THSD7A: variants seen among roughly 807,000 people sequenced by gnomAD.
THSD7A encodes the protein thrombospondin type 1 domain containing 7A, also known as thrombospondin type-1 domain-containing protein 7A.
Under a neutral mutation model 231.3 loss-of-function variants are expected in THSD7A, and 96 were observed. The observed-to-expected ratio is 0.41, with a 90% CI of 0.35 to 0.49. The LOEUF (loss-of-function observed/expected upper bound fraction) is 0.49. Ranked by LOEUF, THSD7A falls within the 20% of genes least tolerant of loss-of-function variation. The pLI, the probability that THSD7A is intolerant of heterozygous loss-of-function variation, is 0.05. For synonymous variants in THSD7A, 940 were observed against 743.3 expected (o/e 1.26, Z -4.30); for missense variants, 2,290 against 2,070.2 (o/e 1.11, Z -2.06).
chr7:11,691,881 A>G (rs1165706094), intron 1 of THSD7A, among the ~76,000 whole-genome samples: 1 of 151,550 alleles, frequency 6.6e-6, no homozygotes, highest in Non-Finnish European at 1.5e-5. Context: ...TATAGGAAAT[A>G]CCATTCTCAG....
rs78654053 is a variant in THSD7A at position 11,727,218 on chromosome 7, C to T, written c.191-90257G>A. ...AAATGTTGGGCCTTTGAGATTCTTG[C>T]CAGTATCACCAGGTATTCAATTTTG... On this transcript the variant is annotated intron_variant, in intron 1 of 27. Coordinates refer to ENST00000423059, the MANE Select transcript of THSD7A (RefSeq NM_015204.3). 3.6e-3 allele frequency among the ~76,000 whole-genome samples: 546 copies of T among 152,038 alleles called. 4 individuals are homozygous for T. Among genetic ancestry groups the T allele is most frequent in the African/African-American group, 0.012 (514 of 41,508 alleles).
intron 4 of THSD7A, among the ~76,000 whole-genome samples, chr7:11,547,219 A>G (rs1789437623): frequency 6.6e-6 from 1 of 152,228 alleles, no homozygotes; most frequent in Admixed American, 6.5e-5. Flanking sequence ...TACACAGATT[A>G]TTGACACTAT....
At chr7:11,734,137 C>T (rs1484086277) in intron 1 of THSD7A, among the ~76,000 whole-genome samples, 1 of 151,896 alleles carries the variant, frequency 6.6e-6, no homozygotes, top group Non-Finnish European at 1.5e-5. Flanking sequence ...GGAAATTCAA[C>T]TATAAAATGT....
At chr7:11,512,942 G>GAGATATATATATATATATATATATATAT (rs1554327829) in intron 6 of THSD7A, among the ~76,000 whole-genome samples, 1 of 101,974 alleles carries the variant, frequency 9.8e-6, no homozygotes, top group East Asian at 2.6e-4. Context: ...AAGAAACTAT[G>GAGATATATATATATATATATATATATAT]ATATATATAT....
At chr7:11,530,623 A>T (rs1033205191) in intron 6 of THSD7A, among the ~76,000 whole-genome samples, 2 of 152,184 alleles carry the variant, frequency 1.3e-5, no homozygotes, top group East Asian at 3.9e-4. Flanking sequence ...AGGGAGGGGT[A>T]GAAAAGCCAA....
intron 17 of THSD7A, among the ~76,000 whole-genome samples, chr7:11,413,295 G>GA (rs151236359): frequency 0.024 from 3,592 of 149,902 alleles, 140 homozygotes; most frequent in African/African-American, 0.076. Context: ...TTAGAATTGA[G>GA]AAAAAAAAAT....
At chr7:11,631,380 C>T (rs1781649580) in intron 2 of THSD7A, among the ~76,000 whole-genome samples, 1 of 152,044 alleles carries the variant, frequency 6.6e-6, no homozygotes, top group African/African-American at 2.4e-5. Context: ...TTTACTTCCT[C>T]ATGTTTAATT....
intron 2 of THSD7A, among the ~76,000 whole-genome samples, chr7:11,624,732 C>A (rs1781425566): frequency 6.6e-6 from 1 of 152,054 alleles, no homozygotes; most frequent in Non-Finnish European, 1.5e-5. Context: ...ATAAAAGATA[C>A]AAAATCTCTG....
chr7:11,562,724 T>C (rs994484805), intron 4 of THSD7A, among the ~76,000 whole-genome samples: 11 of 152,010 alleles, frequency 7.2e-5, no homozygotes, highest in African/African-American at 2.7e-4. Flanking sequence ...TCCCTTTTTA[T>C]TTTTTTTAAA....
chr7:11,500,866 C>T (rs1250604609), intron 6 of THSD7A, among the ~76,000 whole-genome samples: 1 of 149,190 alleles, frequency 6.7e-6, no homozygotes, highest in Non-Finnish European at 1.5e-5. Context: ...ATCTGGGAGG[C>T]AAAGTTGCAC....
At chr7:11,635,879 T>C (rs1296229576) in intron 2 of THSD7A, among the ~76,000 whole-genome samples, 2 of 152,020 alleles carry the variant, frequency 1.3e-5, no homozygotes, top group Non-Finnish European at 2.9e-5. Flanking sequence ...TATCTTTTCA[T>C]GAAGAATTGC....
intron 3 of THSD7A, among the ~76,000 whole-genome samples, chr7:11,591,639 T>A (rs748046778): frequency 1.3e-5 from 2 of 152,182 alleles, no homozygotes; most frequent in Non-Finnish European, 2.9e-5. Flanking sequence ...TCATGCCTGT[T>A]TTTAAATTTT....
intron 4 of THSD7A, among the ~76,000 whole-genome samples, chr7:11,574,857 C>T (rs528587716): frequency 1.3e-5 from 2 of 152,038 alleles, no homozygotes; most frequent in African/African-American, 4.8e-5. Flanking sequence ...TTTCTAAAAC[C>T]AATAATCGTT....
chr7:11,562,976 T>G (rs1283961836), intron 4 of THSD7A, among the ~76,000 whole-genome samples: 1 of 152,230 alleles, frequency 6.6e-6, no homozygotes, highest in Non-Finnish European at 1.5e-5. Flanking sequence ...TGCTCAAAGC[T>G]TACTTAGACC....
chr7:11,557,987 A>G (rs1180865960), intron 4 of THSD7A, among the ~76,000 whole-genome samples: 1 of 151,994 alleles, frequency 6.6e-6, no homozygotes, highest in African/African-American at 2.4e-5. Flanking sequence ...TAGAGTGGTT[A>G]TTGTCTAAAA....
intron 13 of THSD7A, among the ~76,000 whole-genome samples, chr7:11,432,368 T>G (rs1784502357): frequency 6.6e-6 from 1 of 152,118 alleles, no homozygotes; most frequent in Non-Finnish European, 1.5e-5. Context: ...AACTTCGTAT[T>G]GTAGTCTTCA....
intron 2 of THSD7A, among the ~76,000 whole-genome samples, chr7:11,635,500 A>C (rs763496902): frequency 6.6e-6 from 1 of 152,206 alleles, no homozygotes; most frequent in Non-Finnish European, 1.5e-5. Context: ...TAATTTGTTA[A>C]ATAATTTCTG....
At chr7:11,678,198 T>G (rs1783718512) in intron 1 of THSD7A, among the ~76,000 whole-genome samples, 1 of 152,102 alleles carries the variant, frequency 6.6e-6, no homozygotes, top group Admixed American at 6.5e-5. Flanking sequence ...TAAAGCGGTG[T>G]CTAGAGGAAA....
intron 22 of THSD7A, among the ~76,000 whole-genome samples, chr7:11,403,669 A>G (rs918696543): frequency 2.0e-5 from 3 of 152,232 alleles, no homozygotes; most frequent in Non-Finnish European, 4.4e-5. Context: ...CACATTTAGC[A>G]TCATTTATTT....
Sources: gnomAD v4.1 joint callset for allele counts (sites outside exome capture counted in the v4.1 genomes callset) on GRCh38, gnomAD v4.1.1 for gene constraint, MANE v1.5 for transcripts, NCBI Gene and HGNC (gene_info 2026-07-23, HGNC 2026-07-21) for gene names.